Variants in PRKCE observed in about 807,000 individuals in gnomAD.
PRKCE encodes the protein protein kinase C epsilon.
Under a neutral mutation model 85.4 loss-of-function variants are expected in PRKCE, and 16 were observed. The observed-to-expected ratio is 0.19, with a 90% CI of 0.13 to 0.28. The LOEUF (loss-of-function observed/expected upper bound fraction) is 0.28, where lower values mean the gene tolerates loss of function less well. PRKCE is among the 10% of genes least tolerant of loss of function. The pLI is 1.00. For synonymous variants in PRKCE, 388 were observed against 371.5 expected (o/e 1.04, Z -0.51); for missense variants, 573 against 975.2 (o/e 0.59, Z 5.49).
chr2:45,855,306 G>A (rs1390268845), intron 2 of PRKCE, among the ~76,000 whole-genome samples: 1 of 152,142 alleles, frequency 6.6e-6, no homozygotes, highest in Admixed American at 6.5e-5. Context: ...TGAAATAAAG[G>A]AAAAGGGAAA....
chr2:46,022,156 A>G (rs1706724626), intron 10 of PRKCE, among the ~76,000 whole-genome samples: 1 of 152,200 alleles, frequency 6.6e-6, no homozygotes, highest in Admixed American at 6.5e-5. Flanking sequence ...AGAAGGCACC[A>G]CGAGTCAAGA....
intron 2 of PRKCE, among the ~76,000 whole-genome samples, chr2:45,942,638 G>A (rs1038223451): frequency 6.6e-6 from 1 of 152,188 alleles, no homozygotes; most frequent in Non-Finnish European, 1.5e-5. Context: ...ATTAGAACAC[G>A]AATGGAATAC....
At chr2:45,927,215 G>T (rs1405773369) in intron 2 of PRKCE, among the ~76,000 whole-genome samples, 1 of 152,152 alleles carries the variant, frequency 6.6e-6, no homozygotes, top group Non-Finnish European at 1.5e-5. Context: ...TGGGGGGGGT[G>T]TTGTCAGAGA....
At chr2:45,844,580 G>A (rs76650193) in intron 2 of PRKCE, among the ~76,000 whole-genome samples, 2,394 of 152,336 alleles carry the variant, frequency 0.016, 22 homozygotes, top group Non-Finnish European at 0.025. Context: ...AAATTCACCA[G>A]ACTTGACTTA....
intron 1 of PRKCE, among the ~76,000 whole-genome samples, chr2:45,776,595 A>C (rs192951243): frequency 2.0e-5 from 3 of 152,268 alleles, no homozygotes; most frequent in Non-Finnish European, 4.4e-5. Context: ...TCGCAAACTT[A>C]TTTGCTTTTA....
At chr2:45,691,670 T>C (rs572840178) in intron 1 of PRKCE, among the ~76,000 whole-genome samples, 1 of 152,310 alleles carries the variant, frequency 6.6e-6, no homozygotes, top group South Asian at 2.1e-4. Flanking sequence ...TTTATCAGCC[T>C]TCCCTCCCCA....
chr2:45,791,860 G>A (rs1687061724), intron 1 of PRKCE, among the ~76,000 whole-genome samples: 1 of 152,142 alleles, frequency 6.6e-6, no homozygotes, highest in African/African-American at 2.4e-5. Context: ...GAGAATCCCG[G>A]TTCAAATACA....
At chr2:46,176,972 A>G (rs1679488375) in intron 14 of PRKCE, among the ~76,000 whole-genome samples, 2 of 152,240 alleles carry the variant, frequency 1.3e-5, no homozygotes, top group Non-Finnish European at 2.9e-5. Flanking sequence ...TAACCCTCAG[A>G]AAGCTAGGTA....
At position 45,770,213 on chromosome 2, in the gene PRKCE, G is replaced by C. The variant is rs1573282589; in HGVS notation, c.349-72787G>C. Among the ~76,000 whole-genome samples, 5 of 152,316 alleles carry C rather than the reference G, an allele frequency of 3.3e-5. No individual in the cohort carries two copies. In the South Asian group the frequency reaches 1.0e-3, roughly 32 times the overall value. The stretch of plus-strand genomic sequence containing the variant: ...CTGTTCTGCTCCCCTCCTGTCCGGG[G>C]AGTTGCTGCTCTGCCCTAGGGTCAA... On this transcript the variant is annotated intron_variant, in intron 1 of 14. Transcript: ENST00000306156.
chr2:45,982,156 C>T (rs1243637007), intron 5 of PRKCE, among the ~76,000 whole-genome samples: 1 of 152,230 alleles, frequency 6.6e-6, no homozygotes, highest in South Asian at 2.1e-4. Flanking sequence ...TCCCCGCCAC[C>T]ACCTTGTGCT....
intron 1 of PRKCE, among the ~76,000 whole-genome samples, chr2:45,768,926 G>A (rs1364309951): frequency 1.3e-5 from 2 of 152,204 alleles, no homozygotes; most frequent in South Asian, 2.1e-4. Flanking sequence ...TACCAGGACA[G>A]GGCTTAGCCA....
intron 2 of PRKCE, among the ~76,000 whole-genome samples, chr2:45,948,295 G>A (rs919869939): frequency 1.3e-5 from 2 of 152,152 alleles, no homozygotes; most frequent in African/African-American, 2.4e-5. Flanking sequence ...AGATGAAAAA[G>A]CAAGAATGAT....
At chr2:46,105,001 C>T (rs893042639) in intron 11 of PRKCE, among the ~76,000 whole-genome samples, 8 of 151,526 alleles carry the variant, frequency 5.3e-5, no homozygotes, top group African/African-American at 1.9e-4. Flanking sequence ...TAATAAATGT[C>T]CTCTGTGACA....
At chr2:45,960,680 T>G (rs1701313639) in intron 2 of PRKCE, among the ~76,000 whole-genome samples, 1 of 152,160 alleles carries the variant, frequency 6.6e-6, no homozygotes, top group African/African-American at 2.4e-5. Context: ...AGTACTGTGG[T>G]CCCCTGGGGA....
At chr2:45,850,783 T>C (rs886197286) in intron 2 of PRKCE, among the ~76,000 whole-genome samples, 1 of 152,190 alleles carries the variant, frequency 6.6e-6, no homozygotes, top group South Asian at 2.1e-4. Flanking sequence ...GGGGTGTACA[T>C]GTGCCCAAGT....
intron 11 of PRKCE, among the ~76,000 whole-genome samples, chr2:46,118,782 G>A (rs1050573923): frequency 1.7e-4 from 26 of 152,152 alleles, no homozygotes; most frequent in African/African-American, 5.6e-4. Context: ...GATGGGAGTC[G>A]CTGTGGAATC....
chr2:45,762,295 C>A (rs912367502), intron 1 of PRKCE, among the ~76,000 whole-genome samples: 2 of 152,128 alleles, frequency 1.3e-5, no homozygotes, highest in Non-Finnish European at 2.9e-5. Context: ...GGATGTTGCC[C>A]AGCGGGTCTC....
chr2:45,854,633 A>G (rs1216524087), intron 2 of PRKCE, among the ~76,000 whole-genome samples: 1 of 152,238 alleles, frequency 6.6e-6, no homozygotes, highest in African/African-American at 2.4e-5. Context: ...GGTTAAGCCA[A>G]TGCTCAGGAT....
intron 2 of PRKCE, among the ~76,000 whole-genome samples, chr2:45,861,844 C>A (rs1295819036): frequency 6.6e-6 from 1 of 151,882 alleles, no homozygotes; most frequent in Admixed American, 6.6e-5. Flanking sequence ...TAATTAACAA[C>A]CATTATAAAG....
Sources: gnomAD v4.1 joint callset for allele counts (sites outside exome capture counted in the v4.1 genomes callset) on GRCh38, gnomAD v4.1.1 for gene constraint, MANE v1.5 for transcripts, NCBI Gene and HGNC (gene_info 2026-07-23, HGNC 2026-07-21) for gene names.